Variants in CKAP2 observed in about 807,000 individuals in gnomAD.
CKAP2 encodes the protein cytoskeleton associated protein 2, also known as cytoskeleton-associated protein 2.
Under a neutral mutation model 58.4 loss-of-function variants are expected in CKAP2, and 46 were observed. That is an observed-to-expected ratio of 0.79 (90% CI 0.62 to 1.01). The LOEUF (loss-of-function observed/expected upper bound fraction) is 1.01, where lower values mean the gene tolerates loss of function less well. Ranked by LOEUF, CKAP2 falls within the 50% of genes least tolerant of loss-of-function variation. The pLI is 0.00. For missense variants in CKAP2, 809 were observed against 796.4 expected (o/e 1.02, Z -0.19); for synonymous variants, 293 against 280.9 (o/e 1.04, Z -0.43).
intron 5 of CKAP2, among the ~76,000 whole-genome samples, chr13:52,463,725 C>A (rs971777731): frequency 9.2e-5 from 14 of 152,186 alleles, no homozygotes; most frequent in Non-Finnish European, 1.0e-4. Context: ...GATAAGGAGG[C>A]ATTCTGCTGG....
At chr13:52,474,231 A>G in intron 8 of CKAP2, 147 bp downstream of exon 8, 1 of 784,436 alleles carries the variant, frequency 1.3e-6, no homozygotes, top group Non-Finnish European at 2.0e-6. Flanking sequence ...CACGCCTGTA[A>G]TTTCAGCACT....
chr13:52,474,913 G>A lies in CKAP2; in HGVS notation c.1821G>A (p.Gln607=). Residue 607 remains glutamine (Q), a synonymous_variant, in exon 9 of 9, where the codon CAG becomes CAA. Coordinates refer to ENST00000258607, the MANE Select transcript of CKAP2 (RefSeq NM_018204.5). ...TTTTCAGTGTGAAAAAAAAGGTGCA[G>A]TTTGATGGAACAAATTCCGCATTTA... ...PYLQSVKKKV[Q]FDGTNSAFKE... 1 of 1,609,110 alleles carries A rather than the reference G, an allele frequency of 6.2e-7. No individual in the cohort carries two copies. The highest frequency in any genetic ancestry group is 1.1e-5 in the South Asian group (1 of 90,858).
intron 1 of CKAP2, chr13:52,456,196 G>A: frequency 9.5e-7 from 1 of 1,055,666 alleles, no homozygotes; most frequent in Non-Finnish European, 1.1e-6. Flanking sequence ...TAGAACTTTC[G>A]AGTCTAGTGC....
In CKAP2 at chr13:52,462,470, G is replaced by C. The variant is rs201326864; in HGVS notation, c.1208G>C (p.Gly403Ala). The C allele has an allele frequency of 6.2e-7, 1 of 1,613,828 alleles. No homozygotes were observed. Among genetic ancestry groups the C allele is most frequent in the African/African-American group, 1.3e-5 (1 of 74,876 alleles). ...GCAGGACAAAATGAAAAACCAGTTG[G>C]GTCTTTTTGGACTACCATGGCAGAA... ...EPAGQNEKPV[G>A]SFWTTMAEED... Residue 403 changes from glycine to alanine, a missense_variant, in exon 5 of 9, where the codon GGG (glycine) becomes GCG (alanine). Around this residue, in one of 3 missense-constraint regions of CKAP2, gnomAD observed 523 missense variants for 492.4 expected, o/e 1.06. Coordinates refer to ENST00000258607, the MANE Select transcript of CKAP2 (RefSeq NM_018204.5).
chr13:52,475,607 C>G lies in CKAP2; in HGVS notation c.*466C>G, dbSNP rs78029237. ...GCCTTTCTCAGATTAGTCAAAAATTCTATAGAATGACTCACTTCGAATACT... is the reference window on the plus strand; with the variant it reads ...GCCTTTCTCAGATTAGTCAAAAATTGTATAGAATGACTCACTTCGAATACT... On this transcript the variant is annotated 3_prime_UTR_variant, in exon 9 of 9. Coordinates refer to ENST00000258607, the MANE Select transcript of CKAP2 (RefSeq NM_018204.5). 1,133 of 153,072 alleles carry G rather than the reference C, an allele frequency of 7.4e-3. 5 individuals carry two copies. Among genetic ancestry groups the G allele is most frequent in the African/African-American group, 0.017 (707 of 41,534 alleles). The allele number at this position is 153,072 out of a possible 1,614,324, so 9.5% of individuals were successfully genotyped here. A position where few individuals can be genotyped will look rare whatever the true frequency, so the allele number is the denominator to read the frequency against.
intron 1 of CKAP2, chr13:52,455,834 C>T: frequency 2.5e-6 from 2 of 802,480 alleles, no homozygotes; most frequent in Non-Finnish European, 1.7e-6. Context: ...TGTTACTGTG[C>T]GGTCGCTGCT....
At chr13:52,462,914 G>T (rs1355734388) in intron 5 of CKAP2, among the ~76,000 whole-genome samples, 1 of 152,114 alleles carries the variant, frequency 6.6e-6, no homozygotes, top group Non-Finnish European at 1.5e-5. Flanking sequence ...TTATCTTGGG[G>T]ATGAGATCCA....
At position 52,462,430 on chromosome 13, in the gene CKAP2, A is replaced by G. The variant is rs771761963; in HGVS notation, c.1168A>G (p.Thr390Ala). The change falls in exon 5 of 9, where the codon ACT (threonine) becomes GCT (alanine). Residue 390 changes from threonine (T) to alanine (A), a missense_variant. Thr to Ala is a moderately conservative substitution (Grantham distance 58, BLOSUM62 0). Transcript: ENST00000258607. ...AAAAAGGCCCCCTAATTCAGTAGTT[A>G]CTCAGCATGAGCCTGCAGGACAAAA... ...VLKRPPNSVV[T>A]QHEPAGQNEK... 6.2e-7 allele frequency: 1 copy of G among 1,614,026 alleles called. No homozygotes were observed. The highest frequency in any genetic ancestry group is 1.3e-5 in the African/African-American group (1 of 74,932).
intron 7 of CKAP2, among the ~76,000 whole-genome samples, chr13:52,472,426 C>T (rs1435378715): frequency 6.6e-6 from 1 of 152,198 alleles, no homozygotes; most frequent in East Asian, 1.9e-4. Flanking sequence ...AACTCAGTCA[C>T]TATCATGCAA....
chr13:52,461,076 A>G lies in CKAP2; in HGVS notation c.250A>G (p.Lys84Glu). Residue 84 changes from lysine to glutamate, a missense_variant, in exon 4 of 9, where the codon AAG becomes GAG. By Grantham distance (56) the Lys-to-Glu change is moderately conservative (BLOSUM62 1). Around this residue, in one of 3 missense-constraint regions of CKAP2, gnomAD observed 523 missense variants for 492.4 expected, o/e 1.06. Transcript: ENST00000258607. ...KTKMADKENM[K>E]RPAESKNNTV... ...CTTTCAGGCTGATAAAGAAAACATG[A>G]AGAGACCTGCAGAGAGCAAAAATAA... 6.3e-7 allele frequency: 1 copy of G among 1,598,872 alleles called. No individual in the cohort carries two copies. The highest frequency in any genetic ancestry group is 8.5e-7 in the Non-Finnish European group (1 of 1,175,340).
intron 2 of CKAP2, among the ~76,000 whole-genome samples, chr13:52,460,683 A>C (rs1958557945): frequency 6.8e-6 from 1 of 146,778 alleles, no homozygotes; most frequent in African/African-American, 2.5e-5. Flanking sequence ...CGATCTCCTG[A>C]CCTCGTGATC....
At chr13:52,463,470 T>C (rs1357569064) in intron 5 of CKAP2, among the ~76,000 whole-genome samples, 2 of 152,124 alleles carry the variant, frequency 1.3e-5, no homozygotes, top group African/African-American at 4.8e-5. Flanking sequence ...CATAATTAAT[T>C]AACAGTTTAA....
chr13:52,467,703 C>G (rs542912448), intron 6 of CKAP2, among the ~76,000 whole-genome samples: 3 of 150,802 alleles, frequency 2.0e-5, no homozygotes, highest in Non-Finnish European at 4.4e-5. Context: ...GGGAGACTGT[C>G]TCAAAAAAAG....
intron 2 of CKAP2, among the ~76,000 whole-genome samples, chr13:52,460,069 GGCT>G (rs1422642313): frequency 1.3e-5 from 2 of 151,986 alleles, no homozygotes; most frequent in Admixed American, 1.3e-4. Context: ...GTGTTGCCCA[GGCT>G]GCTCTCGAAC....
chr13:52,467,710 A>G (rs1275206621), intron 6 of CKAP2, among the ~76,000 whole-genome samples: 1 of 146,322 alleles, frequency 6.8e-6, no homozygotes, highest in Non-Finnish European at 1.5e-5. Context: ...TGTCTCAAAA[A>G]AAGAAAAAAG....
rs1348202133 is a variant in CKAP2, at chr13:52,456,211, C to T, written c.71-312C>T. On this transcript the variant is annotated intron_variant, in intron 1 of 8. Transcript: ENST00000258607. ...TAGAACTTTCGAGTCTAGTGCCTCACTTCTACCATTTAGTTTCTTAAAGCT... is the reference window on the plus strand; with the variant it reads ...TAGAACTTTCGAGTCTAGTGCCTCATTTCTACCATTTAGTTTCTTAAAGCT... The T allele has an allele frequency of 3.8e-6, 4 of 1,061,588 alleles. No homozygotes were observed. The African/African-American group carries it at 5.0e-5, about 13-fold the overall frequency. The allele number at this position is 1,061,588 out of a possible 1,614,324, so 65.8% of individuals were successfully genotyped here.
chr13:52,470,677 T>C (rs1958749849), intron 7 of CKAP2, among the ~76,000 whole-genome samples: 1 of 152,172 alleles, frequency 6.6e-6, no homozygotes, highest in African/African-American at 2.4e-5. Flanking sequence ...AATGGCAGCA[T>C]GCTTAGTTCA....
intron 1 of CKAP2, chr13:52,456,195 CGA>C: frequency 9.5e-7 from 1 of 1,057,674 alleles, no homozygotes; most frequent in Non-Finnish European, 1.1e-6. Flanking sequence ...TTAGAACTTT[CGA>C]GTCTAGTGCC....
intron 8 of CKAP2, 113 bp from the exon 9 acceptor site, chr13:52,474,782 A>G: frequency 1.9e-6 from 2 of 1,035,828 alleles, no homozygotes; most frequent in Non-Finnish European, 2.7e-6. Flanking sequence ...AGACAATTAA[A>G]TGCTTTTACC....
Sources: gnomAD v4.1 joint callset for allele counts (sites outside exome capture counted in the v4.1 genomes callset) on GRCh38, gnomAD v4.1.1 for gene constraint, gnomAD v4.1.1 regional missense constraint, MANE v1.5 for transcripts, NCBI Gene and HGNC (gene_info 2026-07-23, HGNC 2026-07-21) for gene names.